DTNB: variants seen among roughly 807,000 people sequenced by gnomAD.
The protein encoded by DTNB is dystrobrevin beta.
In DTNB, 63 loss-of-function variants were observed where a neutral mutation model predicts 90.7. The observed-to-expected ratio is 0.69, with a 90% CI of 0.57 to 0.86. The LOEUF (loss-of-function observed/expected upper bound fraction) is 0.86, where lower values mean the gene tolerates loss of function less well. Among genes scored for constraint, DTNB ranks in the 40% least tolerant of loss-of-function variants. DTNB has a pLI of 0.00. For synonymous variants in DTNB, 277 were observed against 286.7 expected, an observed-to-expected ratio of 0.97 and a Z score of 0.34; for missense variants, 744 against 807.1, an observed-to-expected ratio of 0.92 and a Z score of 0.95.
At chr2:25,548,093 T>C (rs1462161465) in intron 8 of DTNB, among the ~76,000 whole-genome samples, 2 of 152,172 alleles carry the variant, frequency 1.3e-5, no homozygotes, top group African/African-American at 4.8e-5. Context: ...CAAATAGCCA[T>C]CTTTTTGTTA....
At chr2:25,661,498 G>A (rs2083166743) in intron 1 of DTNB, among the ~76,000 whole-genome samples, 1 of 152,184 alleles carries the variant, frequency 6.6e-6, no homozygotes, top group Non-Finnish European at 1.5e-5. Flanking sequence ...AGGAATCCAA[G>A]GAAGGGATTA....
At chr2:25,426,507 T>C (rs1027942831) in intron 15 of DTNB, 6 of 152,234 alleles carry the variant, frequency 3.9e-5, no homozygotes, top group Admixed American at 3.9e-4. Flanking sequence ...ACATGTGAGC[T>C]CCCCAGGTTC....
intron 8 of DTNB, among the ~76,000 whole-genome samples, chr2:25,540,466 C>G (rs866718657): frequency 3.5e-4 from 53 of 152,114 alleles, no homozygotes; most frequent in African/African-American, 1.3e-3. Context: ...TTCACCATCG[C>G]AATCATTTTA....
At chr2:25,559,883 C>T (rs2057987244) in intron 8 of DTNB, among the ~76,000 whole-genome samples, 2 of 152,186 alleles carry the variant, frequency 1.3e-5, no homozygotes, top group Admixed American at 1.3e-4. Context: ...GTGACACAGC[C>T]ACAAAGTCAA....
At position 25,420,669 on chromosome 2, in the gene DTNB, G is replaced by A. The variant is rs138464976; in HGVS notation, c.1555-1134C>T. 1.6e-3 allele frequency among the ~76,000 whole-genome samples: 247 copies of A among 152,248 alleles called. 1 individual carries two copies. The highest frequency in any genetic ancestry group is 5.4e-3 in the African/African-American group (226 of 41,536). ...CGGCTAATTTTGTATTTTTAGTAGAGATGGGGTTTCACCATGTTGGTCAGG... is the reference window on the plus strand; with the variant it reads ...CGGCTAATTTTGTATTTTTAGTAGAAATGGGGTTTCACCATGTTGGTCAGG... On this transcript the variant is annotated intron_variant, in intron 15 of 20. Transcript: ENST00000406818.
chr2:25,564,103 G>A (rs1002427251), intron 8 of DTNB, among the ~76,000 whole-genome samples: 3 of 151,786 alleles, frequency 2.0e-5, no homozygotes, highest in African/African-American at 7.3e-5. Context: ...GGGTTTCACC[G>A]TGTTAGCCAG....
chr2:25,567,102 T>C (rs531070503), intron 8 of DTNB, among the ~76,000 whole-genome samples: 1 of 152,328 alleles, frequency 6.6e-6, no homozygotes, highest in South Asian at 2.1e-4. Context: ...TTTTAATTTC[T>C]CCATGTGTAT....
chr2:25,509,746 C>CTTTTTT (rs36101268), intron 9 of DTNB, among the ~76,000 whole-genome samples: 15 of 83,718 alleles, frequency 1.8e-4, no homozygotes, highest in East Asian at 3.5e-4. Context: ...CTTTTAGATT[C>CTTTTTT]TTTTTTTTTT....
intron 5 of DTNB, among the ~76,000 whole-genome samples, chr2:25,604,147 A>G (rs954758629): frequency 2.0e-5 from 3 of 152,102 alleles, no homozygotes; most frequent in Admixed American, 6.6e-5. Flanking sequence ...ATAACATCAT[A>G]TTTGCCAGTG....
intron 1 of DTNB, among the ~76,000 whole-genome samples, chr2:25,656,937 G>A (rs1385488745): frequency 6.6e-6 from 1 of 152,216 alleles, no homozygotes; most frequent in Non-Finnish European, 1.5e-5. Flanking sequence ...ACGTTGGGAG[G>A]CCGAGGCAGG....
At chr2:25,495,289 C>T (rs1469796301) in intron 9 of DTNB, among the ~76,000 whole-genome samples, 1 of 152,182 alleles carries the variant, frequency 6.6e-6, no homozygotes, top group Non-Finnish European at 1.5e-5. Flanking sequence ...TGGTCTCGAA[C>T]TCCTGGGCTC....
intron 9 of DTNB, among the ~76,000 whole-genome samples, chr2:25,509,651 A>G (rs1339936210): frequency 6.6e-6 from 1 of 151,574 alleles, no homozygotes; most frequent in Non-Finnish European, 1.5e-5. Context: ...AATTCTTTGT[A>G]AATAATCTTC....
intron 15 of DTNB, among the ~76,000 whole-genome samples, chr2:25,425,990 C>G (rs539811235): frequency 4.6e-5 from 7 of 152,244 alleles, no homozygotes; most frequent in Non-Finnish European, 1.0e-4. Flanking sequence ...TCCCTTGGAC[C>G]CAGCTCAAGC....
chr2:25,394,901 A>G (rs1370222748), intron 16 of DTNB, among the ~76,000 whole-genome samples: 1 of 152,244 alleles, frequency 6.6e-6, no homozygotes, highest in Non-Finnish European at 1.5e-5. Flanking sequence ...ACAGGGAAGT[A>G]AGTCATTATA....
In DTNB at chr2:25,433,439, T is replaced by C. The variant is rs2054617117; in HGVS notation, c.1344-440A>G. 1.3e-5 allele frequency among the ~76,000 whole-genome samples: 2 copies of C among 151,996 alleles called. 1 individual carries two copies. The highest frequency in any genetic ancestry group is 1.3e-4 in the Admixed American group (2 of 15,264). On this transcript the variant is annotated intron_variant, in intron 13 of 20. Transcript: ENST00000406818. ...TTGCTTCTATCTATGCCTGTTACCT[T>C]AGGTCGGGTCTCCACATCCTGGCTT...
Position 25,387,465 on chromosome 2 carries a change from C to T in DTNB, c.1736-87G>A, listed in dbSNP as rs2039818005. 2 of 1,288,164 alleles carry T rather than the reference C, an allele frequency of 1.6e-6. No homozygotes were observed. The highest frequency in any genetic ancestry group is 1.5e-5 in the African/African-American group (1 of 68,834). The allele number at this position is 1,288,164 out of a possible 1,614,324, so 79.8% of individuals were successfully genotyped here. ...AGCAAATGCCTCAGTTCTGCCAGGC[C>T]CGAGAACACAGGTGTGGAACACCTA... On this transcript the variant is annotated intron_variant, in intron 17 of 20. Coordinates refer to ENST00000406818, the MANE Select transcript of DTNB (RefSeq NM_021907.5). This position sits in a 1 kb window ranked among gnomAD's most constrained non-coding sequence, Gnocchi z 4.5.
intron 12 of DTNB, among the ~76,000 whole-genome samples, chr2:25,435,854 A>AT (rs2055572358): frequency 6.6e-6 from 1 of 152,020 alleles, no homozygotes; most frequent in Non-Finnish European, 1.5e-5. Context: ...TCAAGGTTCT[A>AT]TTTTTTCCAC....
intron 16 of DTNB, among the ~76,000 whole-genome samples, chr2:25,394,391 T>C (rs2041914590): frequency 6.6e-6 from 1 of 151,742 alleles, no homozygotes; most frequent in Non-Finnish European, 1.5e-5. Context: ...GATAAATAGA[T>C]GGGACTTAAT....
chr2:25,540,438 A>T (rs930780033), intron 8 of DTNB, among the ~76,000 whole-genome samples: 9 of 152,184 alleles, frequency 5.9e-5, no homozygotes, highest in Non-Finnish European at 1.3e-4. Context: ...GTTGTGATAA[A>T]ACATACATAG....
Sources: gnomAD v4.1 joint callset for allele counts (sites outside exome capture counted in the v4.1 genomes callset) on GRCh38, gnomAD v4.1.1 for gene constraint, Gnocchi (gnomAD v3.1) non-coding constraint, MANE v1.5 for transcripts, NCBI Gene and HGNC (gene_info 2026-07-23, HGNC 2026-07-21) for gene names.